ECPAS: variants seen among roughly 807,000 people sequenced by gnomAD.
ECPAS encodes proteasome adapter and scaffold protein ECM29.
ECPAS carries 70 observed loss-of-function variants against 255.1 expected under a neutral mutation model. The observed-to-expected ratio is 0.27, with a 90% confidence interval of 0.23 to 0.33. The LOEUF (loss-of-function observed/expected upper bound fraction) is 0.33. ECPAS is among the 10% of genes least tolerant of loss of function. The pLI, the probability that ECPAS is intolerant of heterozygous loss-of-function variation, is 1.00. For missense variants in ECPAS, 1,817 were observed against 2,206.4 expected, an observed-to-expected ratio of 0.82 and a Z score of 3.54; for synonymous variants, 784 against 775.0, an observed-to-expected ratio of 1.01 and a Z score of -0.19.
chr9:111,432,146 G>A (rs920625526), intron 8 of ECPAS, among the ~76,000 whole-genome samples: 2 of 152,108 alleles, frequency 1.3e-5, no homozygotes, highest in African/African-American at 2.4e-5. Flanking sequence ...ATGATATAAT[G>A]AACAAATCTA....
rs1020868321 is a variant in ECPAS at position 111,373,911 on chromosome 9, ACT to A, written c.4177+59_4177+60del. 2.0e-5 allele frequency: 26 copies of A among 1,300,080 alleles called. No homozygotes were observed. The African/African-American group carries it at 3.5e-4, about 18-fold the overall frequency. 80.5% of individuals were successfully genotyped at this position (1,300,080 alleles called of 1,614,324 possible). A position where few individuals can be genotyped will look rare whatever the true frequency, so the allele number is the denominator to read the frequency against. On this transcript the variant is annotated intron_variant, in intron 39 of 49. Coordinates refer to ENST00000684092, the MANE Select transcript of ECPAS (RefSeq NM_001364929.1). Reference sequence around the variant, plus strand: ...ATGATAAGTATTTTTCCTTTTTAAAACTCTGTCACACAAGACAGGGCTGTGCA... The same window carrying A: ...ATGATAAGTATTTTTCCTTTTTAAAACTGTCACACAAGACAGGGCTGTGCA...
At chr9:111,377,883 A>G (rs2098135277) in intron 36 of ECPAS, among the ~76,000 whole-genome samples, 1 of 152,186 alleles carries the variant, frequency 6.6e-6, no homozygotes, top group South Asian at 2.1e-4. Flanking sequence ...GCGGTGGCTC[A>G]CGCCTGTAAT....
chr9:111,428,283 T>G (rs554644013), intron 9 of ECPAS, 122 bp from the exon 10 acceptor site: 59 of 788,650 alleles, frequency 7.5e-5, no homozygotes, highest in South Asian at 2.1e-4. Flanking sequence ...TTTACACTCT[T>G]AAAAATTACT....
intron 6 of ECPAS, among the ~76,000 whole-genome samples, chr9:111,438,890 AT>A (rs1319029004): frequency 6.6e-6 from 1 of 152,260 alleles, no homozygotes; most frequent in Non-Finnish European, 1.5e-5. Flanking sequence ...TGAGAAACAA[AT>A]GATATGGAGC....
At chr9:111,417,051 G>A (rs543731368) in intron 17 of ECPAS, among the ~76,000 whole-genome samples, 2 of 152,100 alleles carry the variant, frequency 1.3e-5, no homozygotes, top group East Asian at 3.9e-4. Context: ...ACCAGCGTGG[G>A]CAATATAGCA....
At chr9:111,392,575 C>T (rs1035613628) in intron 28 of ECPAS, among the ~76,000 whole-genome samples, 193 bp downstream of exon 28, 4 of 152,200 alleles carry the variant, frequency 2.6e-5, no homozygotes, top group Admixed American at 2.0e-4. Context: ...GACCTAGTGG[C>T]ATGCTCCTAA....
chr9:111,386,662 G>A (rs2131587642), intron 31 of ECPAS, among the ~76,000 whole-genome samples: 1 of 152,254 alleles, frequency 6.6e-6, no homozygotes, highest in South Asian at 2.1e-4. Flanking sequence ...ATTCTAAAAT[G>A]TACATTTGAT....
At chr9:111,417,395 T>C (rs2098205470) in intron 17 of ECPAS, among the ~76,000 whole-genome samples, 1 of 152,200 alleles carries the variant, frequency 6.6e-6, no homozygotes, top group Non-Finnish European at 1.5e-5. Context: ...AGGTGAGGAT[T>C]ACAATTTTTT....
rs1049495020 is a variant in ECPAS at position 111,404,021 on chromosome 9, T to C, written c.2652+4550A>G. Among the ~76,000 whole-genome samples, 18 of 149,418 alleles carry C rather than the reference T, an allele frequency of 1.2e-4. 2 individuals are homozygous for C. The highest frequency in any genetic ancestry group is 3.8e-4 in the African/African-American group (15 of 39,300). On this transcript the variant is annotated intron_variant, in intron 24 of 49. Coordinates refer to ENST00000684092, the MANE Select transcript of ECPAS (RefSeq NM_001364929.1). ...CGTTCCTGAACAACCAATGGATCTATGAAAAAATTAAGAAAGAAAAATTTA... is the reference window on the plus strand; with the variant it reads ...CGTTCCTGAACAACCAATGGATCTACGAAAAAATTAAGAAAGAAAAATTTA...
chr9:111,370,342 A>G (rs2098125827), intron 45 of ECPAS, 93 bp downstream of exon 45: 1 of 801,830 alleles, frequency 1.2e-6, no homozygotes. Context: ...TTGCAGCTAA[A>G]CTAATCCTAA....
chr9:111,422,169 C>T lies in ECPAS; in HGVS notation c.1297G>A (p.Ala433Thr), dbSNP rs752337784. ...RMPHLFTKDI[A>T]LVQQLFEALC... ...GCTTCAAAAAGCTGCTGCACAAGCGCTATATCCTTAGTGAATAAATGTGGC... is the reference window on the plus strand; with the variant it reads ...GCTTCAAAAAGCTGCTGCACAAGCGTTATATCCTTAGTGAATAAATGTGGC... The change falls in exon 14 of 50, where the codon GCG becomes ACG. Residue 433 changes from alanine to threonine, a missense_variant. Ala to Thr is a moderately conservative substitution (Grantham distance 58, BLOSUM62 0). Transcript: ENST00000684092. 2.4e-5 allele frequency: 38 copies of T among 1,613,620 alleles called. No homozygotes were observed. Among genetic ancestry groups the T allele is most frequent in the Non-Finnish European group, 3.1e-5 (37 of 1,179,768 alleles).
rs2098132012 is a variant in ECPAS, at chr9:111,375,215, G to C, written c.4021-13C>G. 1 of 1,608,386 alleles carries C rather than the reference G, an allele frequency of 6.2e-7. No individual in the cohort carries two copies. Among genetic ancestry groups the C allele is most frequent in the Non-Finnish European group, 8.5e-7 (1 of 1,175,190 alleles). On this transcript the variant is annotated splice_polypyrimidine_tract_variant and intron_variant, in intron 37 of 49. Transcript: ENST00000684092. Reference sequence around the variant, plus strand: ...GGTATTGCAGGCACTTTTGAAAAAGGACAAATATAAAGGTAAGCCTTGGCA... The same window carrying C: ...GGTATTGCAGGCACTTTTGAAAAAGCACAAATATAAAGGTAAGCCTTGGCA...
chr9:111,461,888 T>C (rs1391339245), intron 2 of ECPAS, among the ~76,000 whole-genome samples: 2 of 152,180 alleles, frequency 1.3e-5, no homozygotes, highest in Non-Finnish European at 2.9e-5. Context: ...AAGGGACAGC[T>C]TGTACAGGCA....
intron 23 of ECPAS, among the ~76,000 whole-genome samples, chr9:111,409,601 T>C (rs1202520838): frequency 1.3e-5 from 2 of 152,076 alleles, no homozygotes; most frequent in Non-Finnish European, 2.9e-5. Flanking sequence ...AAACTTGTAG[T>C]AGTAAACTGA....
intron 43 of ECPAS, 42 bp from the exon 44 acceptor site, chr9:111,370,807 A>G (rs2098126422): frequency 1.3e-6 from 2 of 1,541,846 alleles, no homozygotes; most frequent in Non-Finnish European, 1.8e-6. Flanking sequence ...AAGCCCAAAC[A>G]TGTCATTTAC....
intron 11 of ECPAS, 102 bp from the exon 12 acceptor site, chr9:111,425,598 TTAAA>T: frequency 9.6e-7 from 1 of 1,044,452 alleles, no homozygotes; most frequent in African/African-American, 1.6e-5. Flanking sequence ...CCGAAATAAG[TTAAA>T]TAATCTATTA....
chr9:111,377,333 C>T (rs2131539738), intron 36 of ECPAS, among the ~76,000 whole-genome samples: 1 of 152,154 alleles, frequency 6.6e-6, no homozygotes, highest in East Asian at 1.9e-4. Flanking sequence ...GAAAAATAGA[C>T]ATGGAACATA....
At chr9:111,417,099 G>A (rs1460808540) in intron 17 of ECPAS, among the ~76,000 whole-genome samples, 1 of 152,014 alleles carries the variant, frequency 6.6e-6, no homozygotes, top group Non-Finnish European at 1.5e-5. Flanking sequence ...AATTAGCCAG[G>A]CACGGTGGTG....
At position 111,484,113 on chromosome 9, in the gene ECPAS, G is replaced by A. The variant is rs1356766538; in HGVS notation, c.-83+3C>T. 10 of 1,438,024 alleles carry A rather than the reference G, an allele frequency of 7.0e-6. No individual in the cohort carries two copies. Among genetic ancestry groups the A allele is most frequent in the Non-Finnish European group, 9.1e-6 (10 of 1,096,612 alleles). 89.1% of individuals were successfully genotyped at this position (1,438,024 alleles called of 1,614,324 possible). A position where few individuals can be genotyped will look rare whatever the true frequency, so the allele number is the denominator to read the frequency against. ...CCCCGCGGCCCGGGGGCGGGCCTCTGACCTGAGTCGGAGCCGGTCTCCATG... is the reference window on the plus strand; with the variant it reads ...CCCCGCGGCCCGGGGGCGGGCCTCTAACCTGAGTCGGAGCCGGTCTCCATG... On this transcript the variant is annotated splice_donor_region_variant and intron_variant, in intron 1 of 49. Transcript: ENST00000684092.
Sources: gnomAD v4.1 joint callset for allele counts (sites outside exome capture counted in the v4.1 genomes callset) on GRCh38, gnomAD v4.1.1 for gene constraint, MANE v1.5 for transcripts, NCBI Gene and HGNC (gene_info 2026-07-23, HGNC 2026-07-21) for gene names.